Variants in GRM1 observed in about 807,000 individuals in gnomAD.
GRM1 encodes metabotropic glutamate receptor 1.
In GRM1, 33 loss-of-function variants were observed where a neutral mutation model predicts 90.9. That is an observed-to-expected ratio of 0.36 (90% confidence interval 0.28 to 0.49). GRM1 has a LOEUF of 0.49. Ranked by LOEUF, GRM1 falls within the 20% of genes least tolerant of loss-of-function variation. The pLI, the probability that GRM1 is intolerant of heterozygous loss-of-function variation, is 0.99. For synonymous variants in GRM1, 700 were observed against 613.2 expected (o/e 1.14, Z -2.09); for missense variants, 1,190 against 1,534.3 (o/e 0.78, Z 3.75).
At chr6:146,371,650 TCTA>T (rs778166216) in intron 5 of GRM1, among the ~76,000 whole-genome samples, 1 of 152,072 alleles carries the variant, frequency 6.6e-6, no homozygotes, top group Non-Finnish European at 1.5e-5. Flanking sequence ...TAGCCATTCT[TCTA>T]CTATGTCCGT....
At chr6:146,290,360 A>G (rs1782936446) in intron 2 of GRM1, among the ~76,000 whole-genome samples, 1 of 152,216 alleles carries the variant, frequency 6.6e-6, no homozygotes, top group African/African-American at 2.4e-5. Flanking sequence ...TAAAAAACTG[A>G]CAGCTCTGAC....
rs575217187 is a variant in GRM1, at chr6:146,420,023, A to G, written c.2661-13849A>G. Among the ~76,000 whole-genome samples, 5 of 152,312 alleles carry G rather than the reference A, an allele frequency of 3.3e-5. No individual in the cohort carries two copies. In the South Asian group the frequency reaches 1.0e-3, roughly 32 times the overall value. On this transcript the variant is annotated intron_variant, in intron 7 of 7. Coordinates refer to ENST00000282753, the MANE Select transcript of GRM1 (RefSeq NM_001278064.2). Reference sequence around the variant, plus strand: ...GACTGGGGTGAGGAAATGAAAGGCCAGAGAGGCTTCACCACAGGTCCAGCT... The same window carrying G: ...GACTGGGGTGAGGAAATGAAAGGCCGGAGAGGCTTCACCACAGGTCCAGCT...
At chr6:146,084,804 G>A (rs533836596) in intron 1 of GRM1, among the ~76,000 whole-genome samples, 8 of 152,276 alleles carry the variant, frequency 5.3e-5, no homozygotes, top group African/African-American at 1.4e-4. Context: ...TTAATTTTCT[G>A]TCTTGTTGAT....
intron 3 of GRM1, among the ~76,000 whole-genome samples, chr6:146,348,063 CA>C (rs1785247223): frequency 2.0e-5 from 3 of 152,168 alleles, no homozygotes; most frequent in Non-Finnish European, 4.4e-5. Flanking sequence ...TAGCATATTA[CA>C]AAAAGTAATG....
chr6:146,160,744 A>G (rs1320442532), intron 2 of GRM1, among the ~76,000 whole-genome samples: 3 of 152,216 alleles, frequency 2.0e-5, no homozygotes, highest in Non-Finnish European at 2.9e-5. Flanking sequence ...AATTAGAGGT[A>G]TAAGACACTT....
At chr6:146,192,923 G>A (rs1000163782) in intron 2 of GRM1, among the ~76,000 whole-genome samples, 2 of 152,226 alleles carry the variant, frequency 1.3e-5, no homozygotes, top group African/African-American at 4.8e-5. Context: ...GTGATTGTGA[G>A]GAAGATGACC....
intron 1 of GRM1, among the ~76,000 whole-genome samples, chr6:146,115,142 A>G (rs750249270): frequency 6.6e-4 from 100 of 151,900 alleles, no homozygotes; most frequent in South Asian, 1.7e-3. Flanking sequence ...TAGGTATGTT[A>G]TTTTGTTTCT....
chr6:146,064,554 C>T (rs1562439877), intron 1 of GRM1, among the ~76,000 whole-genome samples: 2 of 151,998 alleles, frequency 1.3e-5, no homozygotes, highest in Non-Finnish European at 2.9e-5. Context: ...TATGATAATG[C>T]TTTTCCTGAT....
intron 2 of GRM1, among the ~76,000 whole-genome samples, chr6:146,175,620 A>G (rs1778311311): frequency 6.6e-6 from 1 of 152,208 alleles, no homozygotes; most frequent in African/African-American, 2.4e-5. Flanking sequence ...ATAATACAAT[A>G]CACATAAATA....
intron 1 of GRM1, among the ~76,000 whole-genome samples, chr6:146,138,798 T>G (rs1486471489): frequency 2.0e-5 from 3 of 152,108 alleles, no homozygotes; most frequent in Non-Finnish European, 4.4e-5. Context: ...TGATCCTTTG[T>G]ATTGTTTCCT....
chr6:146,071,957 G>A (rs1776030557), intron 1 of GRM1, among the ~76,000 whole-genome samples: 1 of 152,122 alleles, frequency 6.6e-6, no homozygotes, highest in African/African-American at 2.4e-5. Flanking sequence ...CCAGTAGCTG[G>A]GGAATAAATC....
intron 2 of GRM1, among the ~76,000 whole-genome samples, chr6:146,239,146 A>T (rs910149691): frequency 6.6e-6 from 1 of 152,188 alleles, no homozygotes; most frequent in Non-Finnish European, 1.5e-5. Context: ...AGAGAAAGGT[A>T]TCAGCTCCTC....
chr6:146,150,936 G>GCGCACA (rs1554273687), intron 1 of GRM1, among the ~76,000 whole-genome samples: 2 of 44,650 alleles, frequency 4.5e-5, no homozygotes, highest in Non-Finnish European at 9.3e-5. Flanking sequence ...ACGCGTGTGC[G>GCGCACA]CGCACACACA....
Position 146,434,755 on chromosome 6 carries a change from G to A in GRM1, c.3544G>A (p.Val1182Ile). Reference protein sequence around the residue: ...CTPPNVSYASVILRDYKQSSS... With the variant: ...CTPPNVSYASIILRDYKQSSS... ...CCCTCCCAACGTATCCTACGCCTCT[G>A]TCATTCTGCGGGACTACAAGCAAAG... Residue 1182 changes from valine (V) to isoleucine (I), a missense_variant, in exon 8 of 8, where the codon GTC (valine) becomes ATC (isoleucine). Transcript: ENST00000282753. 1 of 1,600,016 alleles carries A rather than the reference G, an allele frequency of 6.2e-7. No homozygotes were observed. Among genetic ancestry groups the A allele is most frequent in the Non-Finnish European group, 8.5e-7 (1 of 1,179,944 alleles).
chr6:146,278,364 G>T (rs4896864), intron 2 of GRM1, among the ~76,000 whole-genome samples: 14,443 of 152,152 alleles, frequency 0.095, 1,821 homozygotes, highest in African/African-American at 0.28. Flanking sequence ...TTGGATTAGG[G>T]TCTATTAGGA....
At chr6:146,104,233 G>C (rs1777147218) in intron 1 of GRM1, among the ~76,000 whole-genome samples, 1 of 152,188 alleles carries the variant, frequency 6.6e-6, no homozygotes, top group African/African-American at 2.4e-5. Context: ...GAGGTCAGGA[G>C]ATTGAGACCA....
intron 2 of GRM1, among the ~76,000 whole-genome samples, chr6:146,252,238 T>C (rs930906221): frequency 2.6e-5 from 4 of 152,124 alleles, no homozygotes; most frequent in African/African-American, 4.8e-5. Flanking sequence ...AGATTATACA[T>C]GCAAAAAACA....
chr6:146,143,238 T>C (rs562645234), intron 1 of GRM1, among the ~76,000 whole-genome samples: 1 of 152,326 alleles, frequency 6.6e-6, no homozygotes, highest in Non-Finnish European at 1.5e-5. Context: ...TTCCATACCC[T>C]AATTTCCTTT....
chr6:146,092,712 G>C (rs976978344), intron 1 of GRM1, among the ~76,000 whole-genome samples: 2 of 152,096 alleles, frequency 1.3e-5, no homozygotes, highest in African/African-American at 4.8e-5. Flanking sequence ...TTACTGCATG[G>C]AAGCTGGAAG....
Sources: gnomAD v4.1 joint callset for allele counts (sites outside exome capture counted in the v4.1 genomes callset) on GRCh38, gnomAD v4.1.1 for gene constraint, MANE v1.5 for transcripts, NCBI Gene and HGNC (gene_info 2026-07-23, HGNC 2026-07-21) for gene names.